The following GPR158 variants were observed in gnomAD, a reference collection of about 807,000 sequenced individuals.
GPR158 encodes the protein metabotropic glycine receptor.
Under a neutral mutation model 78.2 loss-of-function variants are expected in GPR158, and 30 were observed. The ratio of observed to expected loss-of-function variants is 0.38; its 90% confidence interval spans 0.29 to 0.52. GPR158 has a LOEUF of 0.52. Ranked by LOEUF, GPR158 falls within the 20% of genes least tolerant of loss-of-function variation. The pLI is 0.83. For missense variants in GPR158, 1,463 were observed against 1,523.5 expected, an observed-to-expected ratio of 0.96 and a Z score of 0.66; for synonymous variants, 581 against 591.1, an observed-to-expected ratio of 0.98 and a Z score of 0.25.
intron 2 of GPR158, among the ~76,000 whole-genome samples, chr10:25,286,970 C>T (rs1226516220): frequency 6.6e-6 from 1 of 151,990 alleles, no homozygotes; most frequent in Non-Finnish European, 1.5e-5. Context: ...GCTTAATCTC[C>T]CTGCAGTATA....
chr10:25,241,315 TCTTCTC>T (rs1853618517), intron 2 of GPR158, among the ~76,000 whole-genome samples: 1 of 135,522 alleles, frequency 7.4e-6, no homozygotes, highest in African/African-American at 3.3e-5. Context: ...TTTTCTTTTC[TCTTCTC>T]TTCTCTTCTC....
At position 25,599,802 on chromosome 10, in the gene GPR158, C is replaced by T. The variant is rs973074082; in HGVS notation, c.*528C>T. The stretch of plus-strand genomic sequence containing the variant: ...CTTATAAATGTATGTTTCAGTATAT[C>T]GTTGTGTCTCATATTCAAGCATTCC... On this transcript the variant is annotated 3_prime_UTR_variant, in exon 11 of 11. Transcript: ENST00000376351. The T allele has an allele frequency of 1.3e-5, 2 of 153,642 alleles. No homozygotes were observed. The highest frequency in any genetic ancestry group is 2.9e-5 in the Non-Finnish European group (2 of 68,788). 9.5% of individuals were successfully genotyped at this position (153,642 alleles called of 1,614,324 possible).
At chr10:25,209,274 C>A (rs758376806) in intron 1 of GPR158, among the ~76,000 whole-genome samples, 12 of 152,214 alleles carry the variant, frequency 7.9e-5, no homozygotes, top group African/African-American at 1.2e-4. Context: ...CACTCTATCT[C>A]TTCCTCTTAT....
intron 9 of GPR158, among the ~76,000 whole-genome samples, chr10:25,595,031 T>TG (rs1470266966): frequency 6.6e-6 from 1 of 152,160 alleles, no homozygotes; most frequent in African/African-American, 2.4e-5. Context: ...GGAGTTTTTT[T>TG]TCTCTGGGGG....
Position 25,598,771 on chromosome 10 carries a change from C to A in GPR158, c.3145C>A (p.His1049Asn). Residue 1049 changes from histidine to asparagine, a missense_variant, in exon 11 of 11, where the codon CAC (histidine) becomes AAC (asparagine). Physicochemically the swap from His to Asn is moderately conservative, Grantham distance 68. Coordinates refer to ENST00000376351, the MANE Select transcript of GPR158 (RefSeq NM_020752.3). Reference protein sequence around the residue: ...NPTFSLKEKSHHKPKAAEVCQ... With the variant: ...NPTFSLKEKSNHKPKAAEVCQ... ...CACTTTTTCCTTAAAGGAGAAATCTCACCACAAGCCTAAGGCAGCTGAGGT... is the reference window on the plus strand; with the variant it reads ...CACTTTTTCCTTAAAGGAGAAATCTAACCACAAGCCTAAGGCAGCTGAGGT... 1 of 1,614,098 alleles carries A rather than the reference C, an allele frequency of 6.2e-7. No homozygotes were observed. Among genetic ancestry groups the A allele is most frequent in the Admixed American group, 1.7e-5 (1 of 60,012 alleles).
At chr10:25,302,238 ATTTT>A (rs58156960) in intron 2 of GPR158, among the ~76,000 whole-genome samples, 30 of 133,924 alleles carry the variant, frequency 2.2e-4, no homozygotes, top group African/African-American at 4.8e-4. Flanking sequence ...TGCCTGGCTA[ATTTT>A]TTTTTTTTTT....
At chr10:25,413,876 T>C (rs1298665118) in intron 4 of GPR158, among the ~76,000 whole-genome samples, 1 of 152,212 alleles carries the variant, frequency 6.6e-6, no homozygotes, top group African/African-American at 2.4e-5. Context: ...TAGCTCCTCA[T>C]TTAACCAATA....
At chr10:25,560,351 C>T (rs538459006) in intron 6 of GPR158, among the ~76,000 whole-genome samples, 10 of 152,208 alleles carry the variant, frequency 6.6e-5, no homozygotes, top group South Asian at 4.1e-4. Flanking sequence ...CTGCAAGCTC[C>T]GCCTCCCGGG....
At chr10:25,223,626 T>C (rs1853332031) in intron 2 of GPR158, among the ~76,000 whole-genome samples, 1 of 152,186 alleles carries the variant, frequency 6.6e-6, no homozygotes, top group Admixed American at 6.5e-5. Context: ...CATGTCTCAC[T>C]TGTGGCATTT....
intron 2 of GPR158, among the ~76,000 whole-genome samples, chr10:25,299,051 A>C (rs1312950059): frequency 1.3e-5 from 2 of 152,182 alleles, no homozygotes; most frequent in Non-Finnish European, 2.9e-5. Flanking sequence ...ATTTCTTTTA[A>C]ATTTATTTTA....
intron 2 of GPR158, among the ~76,000 whole-genome samples, chr10:25,284,896 A>G (rs1854326645): frequency 6.6e-6 from 1 of 151,842 alleles, no homozygotes; most frequent in Non-Finnish European, 1.5e-5. Context: ...TTTTTTTCCT[A>G]ATTACTTCTT....
chr10:25,432,819 GAATT>G (rs1264535098), intron 4 of GPR158, among the ~76,000 whole-genome samples: 1 of 151,938 alleles, frequency 6.6e-6, no homozygotes, highest in African/African-American at 2.4e-5. Context: ...TCATTGCTTG[GAATT>G]ATTATCCATA....
At chr10:25,563,106 A>ATGTAAAATAT (rs1836879790) in intron 6 of GPR158, among the ~76,000 whole-genome samples, 1 of 125,634 alleles carries the variant, frequency 8.0e-6, no homozygotes, top group South Asian at 2.9e-4. Context: ...GTTATTATTT[A>ATGTAAAATAT]CGTAAAATAT....
chr10:25,598,694 CAA>C lies in GPR158; in HGVS notation c.3071_3072del (p.Lys1024SerfsTer11). 2 of 1,613,884 alleles carry C rather than the reference CAA, an allele frequency of 1.2e-6. No individual in the cohort carries two copies. Among genetic ancestry groups the C allele is most frequent in the Non-Finnish European group, 8.5e-7 (1 of 1,179,962 alleles). ...ACCCCTGGTCCTGTGCCTTCAGAAT[CAA>C]AAGTTCAAAAGCACGTATCTATTGT... On this transcript the variant is annotated frameshift_variant, in exon 11 of 11. Coordinates refer to ENST00000376351, the MANE Select transcript of GPR158 (RefSeq NM_020752.3). LOFTEE classifies it low-confidence loss of function (END_TRUNC).
At chr10:25,501,981 A>G (rs1196985275) in intron 5 of GPR158, among the ~76,000 whole-genome samples, 1 of 152,020 alleles carries the variant, frequency 6.6e-6, no homozygotes, top group East Asian at 1.9e-4. Context: ...CATACACCAT[A>G]CCAGGGAACT....
chr10:25,393,462 C>T (rs1368995123), intron 2 of GPR158: 3 of 152,226 alleles, frequency 2.0e-5, no homozygotes, highest in African/African-American at 7.2e-5. Context: ...ACAAACTCCA[C>T]ATGCTATATT....
chr10:25,242,859 G>A (rs908390986), intron 2 of GPR158, among the ~76,000 whole-genome samples: 3 of 152,070 alleles, frequency 2.0e-5, no homozygotes, highest in Admixed American at 1.3e-4. Context: ...AAATGTTTTA[G>A]GTCTGCACAT....
chr10:25,541,931 T>A (rs1836592148), intron 5 of GPR158, among the ~76,000 whole-genome samples: 1 of 147,664 alleles, frequency 6.8e-6, no homozygotes, highest in Non-Finnish European at 1.5e-5. Flanking sequence ...ATATTATATA[T>A]TATATTTTAT....
chr10:25,443,316 A>AG (rs776615378), intron 4 of GPR158, among the ~76,000 whole-genome samples: 2 of 151,974 alleles, frequency 1.3e-5, no homozygotes, highest in Non-Finnish European at 2.9e-5. Flanking sequence ...GCACTTTGGG[A>AG]GGCCGAGGCG....
Sources: gnomAD v4.1 joint callset for allele counts (sites outside exome capture counted in the v4.1 genomes callset) on GRCh38, gnomAD v4.1.1 for gene constraint, MANE v1.5 for transcripts, NCBI Gene and HGNC (gene_info 2026-07-23, HGNC 2026-07-21) for gene names.